CACNA2D3: variants seen among roughly 807,000 people sequenced by gnomAD.
CACNA2D3 encodes the protein voltage-dependent calcium channel subunit alpha-2/delta-3.
CACNA2D3 carries 60 observed loss-of-function variants against 160.6 expected under a neutral mutation model. That is an observed-to-expected ratio of 0.37 (90% confidence interval 0.30 to 0.46). The LOEUF is 0.46. Among genes scored for constraint, CACNA2D3 ranks in the 20% least tolerant of loss-of-function variants. The pLI, the probability that CACNA2D3 is intolerant of heterozygous loss-of-function variation, is 1.00. For synonymous variants in CACNA2D3, 558 were observed against 492.9 expected (o/e 1.13, Z -1.75); for missense variants, 1,205 against 1,365.0 (o/e 0.88, Z 1.85).
chr3:54,707,212 A>G (rs1353355964), intron 11 of CACNA2D3, among the ~76,000 whole-genome samples: 3 of 152,226 alleles, frequency 2.0e-5, no homozygotes, highest in Non-Finnish European at 4.4e-5. Context: ...AAACATATGT[A>G]ATGAATTCAG....
chr3:54,512,604 G>C (rs1055176864), intron 5 of CACNA2D3, among the ~76,000 whole-genome samples: 3 of 152,154 alleles, frequency 2.0e-5, no homozygotes, highest in African/African-American at 7.2e-5. Flanking sequence ...TGTGGAGGTA[G>C]AGTTGCTGGG....
At chr3:54,537,185 A>G (rs766413604) in intron 5 of CACNA2D3, among the ~76,000 whole-genome samples, 1 of 151,918 alleles carries the variant, frequency 6.6e-6, no homozygotes, top group Non-Finnish European at 1.5e-5. Flanking sequence ...AGGCATGTTG[A>G]TCATCTCATG....
intron 3 of CACNA2D3, among the ~76,000 whole-genome samples, chr3:54,336,631 A>G (rs993907927): frequency 1.3e-5 from 2 of 152,174 alleles, no homozygotes; most frequent in African/African-American, 2.4e-5. Flanking sequence ...GTTGATTCAA[A>G]GAAACATATT....
chr3:54,522,999 T>C (rs1056420108), intron 5 of CACNA2D3, among the ~76,000 whole-genome samples: 1 of 152,254 alleles, frequency 6.6e-6, no homozygotes, highest in South Asian at 2.1e-4. Context: ...TTGTTCTGGC[T>C]AGAACTTCCA....
chr3:54,245,010 T>A (rs1423465325), intron 2 of CACNA2D3, among the ~76,000 whole-genome samples: 2 of 152,160 alleles, frequency 1.3e-5, no homozygotes, highest in Non-Finnish European at 2.9e-5. Flanking sequence ...TAAAACGTGT[T>A]GGGTGGGTTA....
chr3:54,160,503 A>T (rs755476404), intron 2 of CACNA2D3, among the ~76,000 whole-genome samples: 3 of 152,196 alleles, frequency 2.0e-5, no homozygotes, highest in African/African-American at 4.8e-5. Flanking sequence ...CTGTCTCAAA[A>T]AAAATAAAAT....
chr3:54,191,927 C>G (rs1330905383), intron 2 of CACNA2D3, among the ~76,000 whole-genome samples: 1 of 152,132 alleles, frequency 6.6e-6, no homozygotes, highest in African/African-American at 2.4e-5. Flanking sequence ...ACTGTGTCTC[C>G]CCTGAACCGG....
intron 11 of CACNA2D3, among the ~76,000 whole-genome samples, chr3:54,712,682 A>G (rs1371132238): frequency 6.6e-6 from 1 of 152,188 alleles, no homozygotes; most frequent in Middle Eastern, 3.2e-3. Flanking sequence ...GAAGCATGTA[A>G]ACGGACTAAT....
At chr3:54,776,581 A>G (rs947446695) in intron 13 of CACNA2D3, among the ~76,000 whole-genome samples, 3 of 152,180 alleles carry the variant, frequency 2.0e-5, no homozygotes, top group Admixed American at 6.5e-5. Flanking sequence ...TAACAACAAC[A>G]AAAGAGGCCT....
intron 11 of CACNA2D3, among the ~76,000 whole-genome samples, chr3:54,749,761 G>A (rs1368373654): frequency 1.3e-5 from 2 of 152,218 alleles, no homozygotes; most frequent in African/African-American, 4.8e-5. Flanking sequence ...TTTCTGCTCA[G>A]ATAAGGAGGT....
intron 11 of CACNA2D3, among the ~76,000 whole-genome samples, chr3:54,739,443 AAAAAAAAAAAC>A (rs1701600171): frequency 7.3e-6 from 1 of 136,142 alleles, no homozygotes; most frequent in Non-Finnish European, 1.6e-5. Context: ...AAAAAAAAAC[AAAAAAAAAAAC>A]CACACACACA....
intron 21 of CACNA2D3, among the ~76,000 whole-genome samples, chr3:54,881,153 A>G (rs747304745): frequency 6.6e-6 from 1 of 152,200 alleles, no homozygotes; most frequent in East Asian, 1.9e-4. Context: ...CAACAGCATT[A>G]TGGATGAAAG....
chr3:54,404,349 A>T (rs1699531618), intron 4 of CACNA2D3, among the ~76,000 whole-genome samples: 1 of 152,178 alleles, frequency 6.6e-6, no homozygotes, highest in Non-Finnish European at 1.5e-5. Flanking sequence ...ATACAAATTA[A>T]TCAATGTGAT....
chr3:54,718,984 AATG>A (rs1165528154), intron 11 of CACNA2D3, among the ~76,000 whole-genome samples: 3 of 152,132 alleles, frequency 2.0e-5, no homozygotes, highest in Non-Finnish European at 2.9e-5. Flanking sequence ...TCAACTTTAT[AATG>A]ATCTTGTGTA....
intron 2 of CACNA2D3, among the ~76,000 whole-genome samples, chr3:54,254,474 C>A (rs1702257197): frequency 6.6e-6 from 1 of 152,142 alleles, no homozygotes; most frequent in Non-Finnish European, 1.5e-5. Flanking sequence ...ATGCAATCTT[C>A]CAGTAGCTTC....
intron 2 of CACNA2D3, among the ~76,000 whole-genome samples, chr3:54,271,350 T>G (rs1209747812): frequency 6.6e-6 from 1 of 152,144 alleles, no homozygotes; most frequent in African/African-American, 2.4e-5. Context: ...AGTCCTAGAA[T>G]CCTTTTGACA....
chr3:54,928,112 A>C, intron 27 of CACNA2D3: 1 of 564,428 alleles, frequency 1.8e-6, no homozygotes. Context: ...CCTTGTCTCC[A>C]TCTGGCTGGG....
At chr3:54,218,782 C>T (rs1559885938) in intron 2 of CACNA2D3, among the ~76,000 whole-genome samples, 2 of 152,092 alleles carry the variant, frequency 1.3e-5, no homozygotes, top group Non-Finnish European at 2.9e-5. Flanking sequence ...AAAAGATATT[C>T]CTTGCTTTTT....
chr3:54,576,117 C>T (rs916428391), intron 8 of CACNA2D3, among the ~76,000 whole-genome samples: 7 of 152,128 alleles, frequency 4.6e-5, no homozygotes, highest in African/African-American at 7.2e-5. Flanking sequence ...GCCCCGAAGC[C>T]GGTCCCTGCT....
Sources: gnomAD v4.1 joint callset for allele counts (sites outside exome capture counted in the v4.1 genomes callset) on GRCh38, gnomAD v4.1.1 for gene constraint, MANE v1.5 for transcripts, NCBI Gene and HGNC (gene_info 2026-07-23, HGNC 2026-07-21) for gene names.